The following RASGRF1 variants were observed in gnomAD, a reference collection of about 807,000 sequenced individuals.
The protein encoded by RASGRF1 is Ras protein specific guanine nucleotide releasing factor 1, also known as ras-specific guanine nucleotide-releasing factor 1.
A neutral mutation model predicts 138.7 loss-of-function variants in RASGRF1; 40 were observed. The observed-to-expected ratio is 0.29, with a 90% CI of 0.22 to 0.38. The LOEUF is 0.38. Ranked by LOEUF, RASGRF1 falls within the 10% of genes least tolerant of loss-of-function variation. RASGRF1 has a pLI of 1.00. For synonymous variants in RASGRF1, 614 were observed against 663.2 expected (o/e 0.93, Z 1.14); for missense variants, 1,108 against 1,650.4 (o/e 0.67, Z 5.69).
intron 3 of RASGRF1, among the ~76,000 whole-genome samples, chr15:79,053,770 G>A (rs1408153148): frequency 6.6e-6 from 1 of 152,254 alleles, no homozygotes; most frequent in Non-Finnish European, 1.5e-5. Context: ...TGGCTTCATG[G>A]ATGTGTGGCC....
At chr15:79,085,161 A>G (rs1432771850) in intron 1 of RASGRF1, among the ~76,000 whole-genome samples, 1 of 152,210 alleles carries the variant, frequency 6.6e-6, no homozygotes, top group Non-Finnish European at 1.5e-5. Flanking sequence ...CCAGTGCTGT[A>G]AATGCACGTG....
Position 79,090,581 on chromosome 15 carries a change from T to A in RASGRF1, c.-83A>T. On this transcript the variant is annotated 5_prime_UTR_variant, in exon 1 of 27. Coordinates refer to ENST00000558480, the MANE Select transcript of RASGRF1 (RefSeq NM_001145648.3). Reference sequence around the variant, plus strand: ...CCGTCCGTGCGCGCTGCGCGCTGCCTCTCTCTGGCGCTCGCTCGCTCGCTC... The same window carrying A: ...CCGTCCGTGCGCGCTGCGCGCTGCCACTCTCTGGCGCTCGCTCGCTCGCTC... 6.4e-7 allele frequency: 1 copy of A among 1,551,750 alleles called. No individual in the cohort carries two copies. Among genetic ancestry groups the A allele is most frequent in the Non-Finnish European group, 8.7e-7 (1 of 1,149,080 alleles).
In RASGRF1 at chr15:79,073,626, G is replaced by A. The variant is rs1033990667; in HGVS notation, c.277-9100C>T. On this transcript the variant is annotated intron_variant, in intron 1 of 26. Coordinates refer to ENST00000558480, the MANE Select transcript of RASGRF1 (RefSeq NM_001145648.3). This position sits in a 1 kb window ranked among gnomAD's most constrained non-coding sequence, Gnocchi z 4.2. ...CTGAGGGTGGGAAGCTAGAGGTGGC[G>A]TGTCAGGCTCTGGCTACAGGTGGTT... 2.0e-5 allele frequency among the ~76,000 whole-genome samples: 3 copies of A among 152,144 alleles called. No individual in the cohort carries two copies. Among genetic ancestry groups the A allele is most frequent in the East Asian group, 1.9e-4 (1 of 5,200 alleles).
intron 16 of RASGRF1, 81 bp downstream of exon 16, chr15:79,001,581 C>A (rs2056526676): frequency 1.3e-6 from 2 of 1,486,412 alleles, no homozygotes; most frequent in South Asian, 1.3e-5. Flanking sequence ...GGGATGACAC[C>A]CACTTGCCTT....
rs117621811 is a variant in RASGRF1 at position 79,086,365 on chromosome 15, G to C, written c.276+3858C>G. Among the ~76,000 whole-genome samples, 360 of 152,302 alleles carry C rather than the reference G, an allele frequency of 2.4e-3. 1 individual carries two copies. Among genetic ancestry groups the C allele is most frequent in the Admixed American group, 5.1e-3 (78 of 15,292 alleles). On this transcript the variant is annotated intron_variant, in intron 1 of 26. Transcript: ENST00000558480. Reference sequence around the variant, plus strand: ...CTACAGAGTGAGAAAGCCAGAGAACGCATCTCATTTCTGCCATTGCCTTGC... The same window carrying C: ...CTACAGAGTGAGAAAGCCAGAGAACCCATCTCATTTCTGCCATTGCCTTGC...
Position 78,961,708 on chromosome 15 carries a change from CCCCCT to C in RASGRF1, c.*431_*435del, listed in dbSNP as rs1213826890. On this transcript the variant is annotated 3_prime_UTR_variant, in exon 27 of 27. Transcript: ENST00000558480. Reference sequence around the variant, plus strand: ...ATGACTGGACTTCAGGGTATGGTTTCCCCCTCCCGCCGCCCCCCACCCCCCACCCA... The same window carrying C: ...ATGACTGGACTTCAGGGTATGGTTTCCCCGCCGCCCCCCACCCCCCACCCA... 1 of 147,462 alleles carries C rather than the reference CCCCCT, an allele frequency of 6.8e-6. No individual in the cohort carries two copies. The highest frequency in any genetic ancestry group is 2.5e-5 in the African/African-American group (1 of 39,728). 9.1% of individuals were successfully genotyped at this position (147,462 alleles called of 1,614,324 possible). A position where few individuals can be genotyped will look rare whatever the true frequency, so the allele number is the denominator to read the frequency against.
chr15:79,023,997 TAGACACACAC>T, intron 10 of RASGRF1, among the ~76,000 whole-genome samples: 1 of 143,808 alleles, frequency 7.0e-6, no homozygotes, highest in African/African-American at 2.6e-5. Flanking sequence ...ATCTCACACA[TAGACACACAC>T]AGATACACAC....
Position 79,055,154 on chromosome 15 carries a change from G to A in RASGRF1, c.531+3180C>T, listed in dbSNP as rs372009917. Among the ~76,000 whole-genome samples the A allele has an allele frequency of 5.2e-4, 79 of 152,306 alleles. 4 individuals are homozygous for A. In the South Asian group the frequency reaches 0.016, roughly 30 times the overall value. On this transcript the variant is annotated intron_variant, in intron 3 of 26. Coordinates refer to ENST00000558480, the MANE Select transcript of RASGRF1 (RefSeq NM_001145648.3). ...TTTGGGTAAGTCGCTTCCTCCCCATGGATCTTGGTGTCTTCAGAGTCCTGC... is the reference window on the plus strand; with the variant it reads ...TTTGGGTAAGTCGCTTCCTCCCCATAGATCTTGGTGTCTTCAGAGTCCTGC...
At position 78,978,217 on chromosome 15, in the gene RASGRF1, TTTG is replaced by T. The variant is rs1446016502; in HGVS notation, c.3494+2400_3494+2402del. Among the ~76,000 whole-genome samples the T allele has an allele frequency of 8.9e-4, 56 of 63,204 alleles. 3 individuals are homozygous for T. Among genetic ancestry groups the T allele is most frequent in the African/African-American group, 3.1e-3 (52 of 17,042 alleles). The allele number at this position is 63,204 out of a possible 152,430, so 41.5% of individuals were successfully genotyped here. ...TTTCTTCTTTTTCTTTTTCTTTTCT[TTTG>T]TTTTTTTTTTTTTTTTTTTTTTTTG... On this transcript the variant is annotated intron_variant, in intron 24 of 26. Transcript: ENST00000558480.
intron 10 of RASGRF1, among the ~76,000 whole-genome samples, chr15:79,025,081 G>A (rs918368199): frequency 3.9e-5 from 6 of 152,168 alleles, no homozygotes; most frequent in Non-Finnish European, 8.8e-5. Flanking sequence ...TGGGGAATCT[G>A]AAGCCCTCGA....
chr15:79,078,649 G>A (rs1382001985), intron 1 of RASGRF1, among the ~76,000 whole-genome samples: 1 of 152,102 alleles, frequency 6.6e-6, no homozygotes, highest in Admixed American at 6.5e-5. Flanking sequence ...GTGGCTTCAT[G>A]CAGGGTCAGG....
chr15:78,998,145 C>T lies in RASGRF1; in HGVS notation c.2917G>A (p.Asp973Asn), dbSNP rs779564323. The T allele has an allele frequency of 6.5e-5, 105 of 1,614,046 alleles. No homozygotes were observed. Among genetic ancestry groups the T allele is most frequent in the Middle Eastern group, 1.6e-4 (1 of 6,084 alleles). ...VIGFLEEVMH[D>N]PELLTQERKA... ...CGCTCCTGGGTCAGGAGCTCCGGGT[C>T]GTGCATGACTTCTTCCAGGAAGCCG... Residue 973 changes from aspartate (D) to asparagine (N), a missense_variant, in exon 19 of 27, where the codon GAC becomes AAC. Asp to Asn is a conservative substitution (Grantham distance 23). Transcript: ENST00000558480.
At chr15:79,059,126 C>T (rs998295029) in intron 2 of RASGRF1, among the ~76,000 whole-genome samples, 6 of 151,644 alleles carry the variant, frequency 4.0e-5, no homozygotes, top group Admixed American at 3.3e-4. Context: ...CTTTCCTTTC[C>T]TCTCCTTCCT....
chr15:79,031,512 GC>G lies in RASGRF1; in HGVS notation c.1153-4del. On this transcript the variant is annotated splice_polypyrimidine_tract_variant and splice_region_variant and intron_variant, in intron 7 of 26. Coordinates refer to ENST00000558480, the MANE Select transcript of RASGRF1 (RefSeq NM_001145648.3). ...AGGGTCAGGATGTACCTGGGGATCT[GC>G]GGGCAGGTGGGAGAGGTGAGGGTGG... is the stretch of plus-strand genomic sequence containing the variant. 4.4e-6 allele frequency: 7 copies of G among 1,604,784 alleles called. No individual in the cohort carries two copies. The highest frequency in any genetic ancestry group is 6.0e-6 in the Non-Finnish European group (7 of 1,173,080).
At chr15:78,970,591 C>G (rs2055734302) in intron 26 of RASGRF1, among the ~76,000 whole-genome samples, 1 of 134,500 alleles carries the variant, frequency 7.4e-6, no homozygotes, top group Non-Finnish European at 1.5e-5. Context: ...CCACTGCAGT[C>G]CAGCCTGGTG....
intron 5 of RASGRF1, among the ~76,000 whole-genome samples, chr15:79,036,223 G>A (rs2057220539): frequency 6.6e-6 from 1 of 152,208 alleles, no homozygotes; most frequent in African/African-American, 2.4e-5. Flanking sequence ...CCTTGGAGAC[G>A]TGGGGGTTTT....
Position 79,046,984 on chromosome 15 carries a change from G to A in RASGRF1, c.640C>T (p.Arg214Trp), listed in dbSNP as rs967273029. The change falls in exon 5 of 27, where the codon CGG becomes TGG. Residue 214 changes from arginine to tryptophan, a missense_variant. Physicochemically the swap from Arg to Trp is moderately radical, Grantham distance 101. Around this residue, in one of 3 missense-constraint regions of RASGRF1, gnomAD observed 253 missense variants for 329.5 expected, o/e 0.77. Coordinates refer to ENST00000558480, the MANE Select transcript of RASGRF1 (RefSeq NM_001145648.3). The surrounding 1 kb of genome is among the most constrained non-coding windows in gnomAD (Gnocchi z 5.3). ...KKIKKVQSFL[R>W]GWLCRRKWKT... ...CACTTCCGCCGGCACAGCCAGCCCCGCAGGAAGCTCTGCACCTGAGCAGCA... is the reference window on the plus strand; with the variant it reads ...CACTTCCGCCGGCACAGCCAGCCCCACAGGAAGCTCTGCACCTGAGCAGCA... 6.2e-7 allele frequency: 1 copy of A among 1,612,338 alleles called. No homozygotes were observed. Among genetic ancestry groups the A allele is most frequent in the Non-Finnish European group, 8.5e-7 (1 of 1,179,492 alleles).
chr15:79,006,802 A>C lies in RASGRF1; in HGVS notation c.1827-368T>G, dbSNP rs1320847573. Among the ~76,000 whole-genome samples, 1 of 152,204 alleles carries C rather than the reference A, an allele frequency of 6.6e-6. No homozygotes were observed. The highest frequency in any genetic ancestry group is 6.5e-5 in the Admixed American group (1 of 15,284). ...TGAGGTGGGAGGATCACTTGAGGTC[A>C]GGAGCTCAAGACCAGCCTGGGCAAC... On this transcript the variant is annotated intron_variant, in intron 13 of 26. Coordinates refer to ENST00000558480, the MANE Select transcript of RASGRF1 (RefSeq NM_001145648.3). This position sits in a 1 kb window ranked among gnomAD's most constrained non-coding sequence, Gnocchi z 4.0.
chr15:78,991,659 G>A (rs7170672), intron 21 of RASGRF1, 32 bp downstream of exon 21: 26 of 1,550,458 alleles, frequency 1.7e-5, no homozygotes, highest in Admixed American at 8.4e-5. Flanking sequence ...CTGAGGAAGC[G>A]GGGGGAGGCG....
Sources: gnomAD v4.1 joint callset for allele counts (sites outside exome capture counted in the v4.1 genomes callset) on GRCh38, gnomAD v4.1.1 for gene constraint, gnomAD v4.1.1 regional missense constraint, Gnocchi (gnomAD v3.1) non-coding constraint, MANE v1.5 for transcripts, NCBI Gene and HGNC (gene_info 2026-07-23, HGNC 2026-07-21) for gene names.